Variants in PPP1R2 observed in about 807,000 individuals in gnomAD.
PPP1R2 encodes the protein protein phosphatase 1 regulatory inhibitor subunit 2.
In PPP1R2, 16 loss-of-function variants were observed where a neutral mutation model predicts 29.9. That is an observed-to-expected ratio of 0.53 (90% confidence interval 0.36 to 0.81). PPP1R2 has a LOEUF of 0.81. Among genes scored for constraint, PPP1R2 ranks in the 30% least tolerant of loss-of-function variants. The pLI is 0.00. For synonymous variants in PPP1R2, 76 were observed against 91.5 expected, an observed-to-expected ratio of 0.83 and a Z score of 0.96; for missense variants, 197 against 252.7, an observed-to-expected ratio of 0.78 and a Z score of 1.49.
intron 1 of PPP1R2, among the ~76,000 whole-genome samples, chr3:195,537,638 C>G (rs1719446253): frequency 6.6e-6 from 1 of 152,016 alleles, no homozygotes; most frequent in Non-Finnish European, 1.5e-5. Flanking sequence ...AATTTGAGCT[C>G]TTTAGATTTA....
intron 1 of PPP1R2, among the ~76,000 whole-genome samples, chr3:195,542,700 T>A (rs1719640302): frequency 6.7e-6 from 1 of 149,074 alleles, no homozygotes; most frequent in Non-Finnish European, 1.5e-5. Context: ...TATGCCCAAA[T>A]GCTTAAAAAA....
rs755379417 is a variant in PPP1R2, at chr3:195,519,225, A to C, written c.404-40T>G. On this transcript the variant is annotated intron_variant, in intron 4 of 5. Transcript: ENST00000618156. Reference sequence around the variant, plus strand: ...ATGTAAACTTAGGAAGTTTGAGCTCAAGGATTGGCCCATGCCTGTTTTATA... The same window carrying C: ...ATGTAAACTTAGGAAGTTTGAGCTCCAGGATTGGCCCATGCCTGTTTTATA... 6 of 1,444,440 alleles carry C rather than the reference A, an allele frequency of 4.2e-6. No individual in the cohort carries two copies. In the East Asian group the frequency reaches 1.4e-4, roughly 33 times the overall value. 89.5% of individuals were successfully genotyped at this position (1,444,440 alleles called of 1,614,324 possible). A position where few individuals can be genotyped will look rare whatever the true frequency, so the allele number is the denominator to read the frequency against.
At chr3:195,535,732 T>G (rs1560443456) in intron 1 of PPP1R2, among the ~76,000 whole-genome samples, 1 of 152,216 alleles carries the variant, frequency 6.6e-6, no homozygotes, top group East Asian at 1.9e-4. Flanking sequence ...GAGTTCTATT[T>G]GAGACTGCTT....
intron 1 of PPP1R2, among the ~76,000 whole-genome samples, chr3:195,537,384 T>C (rs1257762828): frequency 6.6e-6 from 1 of 152,106 alleles, no homozygotes; most frequent in Non-Finnish European, 1.5e-5. Flanking sequence ...AAGAACTTTA[T>C]AGTTCACTCC....
intron 2 of PPP1R2, among the ~76,000 whole-genome samples, chr3:195,528,269 T>C (rs1199947767): frequency 6.6e-6 from 1 of 152,190 alleles, no homozygotes; most frequent in Non-Finnish European, 1.5e-5. Flanking sequence ...CTTAGAGTAA[T>C]GGTCTCCAAC....
chr3:195,538,608 A>G (rs976824909), intron 1 of PPP1R2, among the ~76,000 whole-genome samples: 3 of 152,236 alleles, frequency 2.0e-5, no homozygotes, highest in African/African-American at 7.2e-5. Flanking sequence ...AAGCTTGTTT[A>G]TATCTTAAAT....
chr3:195,526,930 C>T (rs1718993773), intron 2 of PPP1R2, among the ~76,000 whole-genome samples: 1 of 152,050 alleles, frequency 6.6e-6, no homozygotes, highest in Non-Finnish European at 1.5e-5. Context: ...TATAGGCGCC[C>T]ACCACCACAT....
chr3:195,523,662 A>C, intron 4 of PPP1R2, 30 bp downstream of exon 4: 2 of 1,556,624 alleles, frequency 1.3e-6, no homozygotes, highest in Middle Eastern at 1.7e-4. Flanking sequence ...TACTAGCACC[A>C]TGATGAAAGC....
intron 2 of PPP1R2, among the ~76,000 whole-genome samples, chr3:195,525,459 A>G (rs1184360629): frequency 1.3e-5 from 2 of 151,906 alleles, no homozygotes; most frequent in Non-Finnish European, 2.9e-5. Flanking sequence ...ACTGTACTGA[A>G]AACGTAAATG....
intron 1 of PPP1R2, among the ~76,000 whole-genome samples, chr3:195,538,436 C>T (rs1171247044): frequency 1.3e-5 from 2 of 152,264 alleles, no homozygotes; most frequent in African/African-American, 4.8e-5. Flanking sequence ...TATAAGACTT[C>T]GAAGCCTGAT....
rs190042769 is a variant in PPP1R2, at chr3:195,540,227, A to C, written c.122+2677T>G. Among the ~76,000 whole-genome samples the C allele has an allele frequency of 2.6e-3, 394 of 152,216 alleles. 4 individuals carry two copies. Among genetic ancestry groups the C allele is most frequent in the African/African-American group, 9.2e-3 (382 of 41,534 alleles). On this transcript the variant is annotated intron_variant, in intron 1 of 5. Transcript: ENST00000618156. Reference sequence around the variant, plus strand: ...TTGCCCAGTGCACCGTTCACAGCCGAGGTAGCATGTTCCCAGATGGGGTCA... The same window carrying C: ...TTGCCCAGTGCACCGTTCACAGCCGCGGTAGCATGTTCCCAGATGGGGTCA...
Position 195,521,558 on chromosome 3 carries a change from A to G in PPP1R2, c.403+2134T>C, listed in dbSNP as rs572785624. On this transcript the variant is annotated intron_variant, in intron 4 of 5. Transcript: ENST00000618156. ...TATATCAGCAATTTTCAATGTTTTT[A>G]AGACTATATATATAAAATATATTGT... Among the ~76,000 whole-genome samples the G allele has an allele frequency of 7.2e-5, 11 of 152,236 alleles. No homozygotes were observed. In the East Asian group the frequency reaches 2.1e-3, roughly 29 times the overall value.
chr3:195,527,663 A>C (rs1719022364), intron 2 of PPP1R2: 1 of 158,354 alleles, frequency 6.3e-6, no homozygotes, highest in African/African-American at 2.4e-5. Context: ...TTTAGTAAAA[A>C]GAAAGTACAC....
At chr3:195,531,388 G>C (rs535371255) in intron 1 of PPP1R2, among the ~76,000 whole-genome samples, 8 of 152,176 alleles carry the variant, frequency 5.3e-5, no homozygotes, top group Non-Finnish European at 8.8e-5. Flanking sequence ...AAATTGTTAA[G>C]GTTTTACTGC....
At chr3:195,528,066 G>A (rs114505051) in intron 2 of PPP1R2, among the ~76,000 whole-genome samples, 1 of 151,942 alleles carries the variant, frequency 6.6e-6, no homozygotes, top group Admixed American at 6.6e-5. Context: ...TTCTTCAGTG[G>A]TAATTGCTGA....
At chr3:195,525,910 A>C (rs932876447) in intron 2 of PPP1R2, among the ~76,000 whole-genome samples, 16 of 152,242 alleles carry the variant, frequency 1.1e-4, no homozygotes, top group Admixed American at 9.2e-4. Context: ...AGTTTAATCA[A>C]GCAAAGTAAG....
At chr3:195,519,299 A>T (rs1294102858) in intron 4 of PPP1R2, 114 bp from the exon 5 acceptor site, 7 of 820,874 alleles carry the variant, frequency 8.5e-6, no homozygotes, top group Middle Eastern at 3.7e-4. Context: ...TGTCATGCTT[A>T]AGGCTGCTTT....
Position 195,514,735 on chromosome 3 carries a change from C to T in PPP1R2, c.*2161G>A, listed in dbSNP as rs1718481510. ...TCTGTCTCTCCAGAGGAAAATCTAACTTGAATCATAATGGTTCATATTTTG... is the reference window on the plus strand; with the variant it reads ...TCTGTCTCTCCAGAGGAAAATCTAATTTGAATCATAATGGTTCATATTTTG... On this transcript the variant is annotated 3_prime_UTR_variant, in exon 6 of 6. Transcript: ENST00000618156. The T allele has an allele frequency of 6.6e-6, 1 of 152,280 alleles. No homozygotes were observed. The highest frequency in any genetic ancestry group is 2.4e-5 in the African/African-American group (1 of 41,446). The allele number at this position is 152,280 out of a possible 1,614,324, so 9.4% of individuals were successfully genotyped here.
chr3:195,520,050 G>C (rs575886317), intron 4 of PPP1R2, among the ~76,000 whole-genome samples: 9 of 151,150 alleles, frequency 6.0e-5, no homozygotes, highest in African/African-American at 2.2e-4. Context: ...CACTCTAATT[G>C]CCCAGGCTGG....
Sources: gnomAD v4.1 joint callset for allele counts (sites outside exome capture counted in the v4.1 genomes callset) on GRCh38, gnomAD v4.1.1 for gene constraint, MANE v1.5 for transcripts, NCBI Gene and HGNC (gene_info 2026-07-23, HGNC 2026-07-21) for gene names.